The following CUL3 variants were observed in gnomAD, a reference collection of about 807,000 sequenced individuals.
CUL3 encodes cullin-3.
CUL3 carries 19 observed loss-of-function variants against 89.1 expected under a neutral mutation model. The observed-to-expected ratio is 0.21, with a 90% confidence interval of 0.15 to 0.31. The LOEUF (loss-of-function observed/expected upper bound fraction) is 0.31. Among genes scored for constraint, CUL3 ranks in the 10% least tolerant of loss-of-function variants. The probability of loss-of-function intolerance (pLI) is 1.00; values close to 1 mark genes in which losing one functional copy is unlikely to be tolerated. For missense variants in CUL3, 469 were observed against 942.3 expected (o/e 0.50, Z 6.58); for synonymous variants, 351 against 308.4 (o/e 1.14, Z -1.45).
At chr2:224,545,074 G>A (rs1457728146) in intron 2 of CUL3, among the ~76,000 whole-genome samples, 1 of 151,988 alleles carries the variant, frequency 6.6e-6, no homozygotes, top group Non-Finnish European at 1.5e-5. Flanking sequence ...TATAAATTTG[G>A]TTAACAGATG....
chr2:224,474,307 T>A lies in CUL3; in HGVS notation c.2245A>T (p.Ile749Phe), dbSNP rs2106133321. 1 of 1,614,042 alleles carries A rather than the reference T, an allele frequency of 6.2e-7. No individual in the cohort carries two copies. Among genetic ancestry groups the A allele is most frequent in the South Asian group, 1.1e-5 (1 of 91,072 alleles). ...GTTCGTGCCAAATATTCTCTCTCAA[T>A]AAGTCCTTCAATACGTTTCTTAATA... ...VVIKKRIEGL[I>F]EREYLARTPE... is the part of the protein sequence containing the mutation. Residue 749 changes from isoleucine (I) to phenylalanine (F), a missense_variant, in exon 16 of 16, where the codon ATT becomes TTT. Transcript: ENST00000264414.
At chr2:224,545,820 A>G (rs958587149) in intron 2 of CUL3, among the ~76,000 whole-genome samples, 1 of 152,234 alleles carries the variant, frequency 6.6e-6, no homozygotes, top group African/African-American at 2.4e-5. Context: ...CAAAGAAGGA[A>G]CACAGAACAG....
At chr2:224,486,175 T>C (rs1484754730) in intron 13 of CUL3, among the ~76,000 whole-genome samples, 1 of 152,150 alleles carries the variant, frequency 6.6e-6, no homozygotes, top group Non-Finnish European at 1.5e-5. Context: ...GCAAAAAAGA[T>C]GAAAATTCCA....
chr2:224,476,780 A>G (rs542950114), intron 15 of CUL3, among the ~76,000 whole-genome samples: 4 of 152,204 alleles, frequency 2.6e-5, no homozygotes, highest in African/African-American at 9.6e-5. Context: ...CAATTTAAGG[A>G]TCCATTCTTT....
At chr2:224,583,641 A>C (rs1164125557) in intron 1 of CUL3, among the ~76,000 whole-genome samples, 1 of 152,256 alleles carries the variant, frequency 6.6e-6, no homozygotes, top group Non-Finnish European at 1.5e-5. Flanking sequence ...ACCTATTTAC[A>C]CAAAGCAGAG....
chr2:224,492,101 G>A (rs1483391557), intron 13 of CUL3, among the ~76,000 whole-genome samples: 1 of 152,058 alleles, frequency 6.6e-6, no homozygotes, highest in African/African-American at 2.4e-5. Context: ...TATTTTCCTT[G>A]CTCAGTTTTA....
At chr2:224,508,648 T>C (rs996650337) in intron 6 of CUL3, among the ~76,000 whole-genome samples, 1 of 152,162 alleles carries the variant, frequency 6.6e-6, no homozygotes, top group African/African-American at 2.4e-5. Flanking sequence ...TCATTATTTC[T>C]ACATACACTT....
intron 6 of CUL3, among the ~76,000 whole-genome samples, chr2:224,508,363 C>T (rs1351857857): frequency 6.6e-6 from 1 of 152,120 alleles, no homozygotes; most frequent in Non-Finnish European, 1.5e-5. Flanking sequence ...ACATACTTAG[C>T]ATAAATTACA....
intron 10 of CUL3, among the ~76,000 whole-genome samples, chr2:224,501,400 T>A (rs970989520): frequency 6.6e-6 from 1 of 152,222 alleles, no homozygotes; most frequent in African/African-American, 2.4e-5. Context: ...GTCACAATTA[T>A]TTTCTTCCTT....
chr2:224,486,955 C>G (rs550667291), intron 13 of CUL3, among the ~76,000 whole-genome samples: 317 of 152,164 alleles, frequency 2.1e-3, no homozygotes, highest in African/African-American at 5.0e-3. Flanking sequence ...GTGGGGGGGG[C>G]CAATATTCAA....
chr2:224,534,049 A>G (rs1025376294), intron 3 of CUL3, among the ~76,000 whole-genome samples: 5 of 152,232 alleles, frequency 3.3e-5, no homozygotes, highest in Non-Finnish European at 5.9e-5. Context: ...ACAAAAATAT[A>G]AAAAGGTAAA....
intron 2 of CUL3, among the ~76,000 whole-genome samples, chr2:224,549,305 G>C (rs978754821): frequency 6.7e-6 from 1 of 148,180 alleles, no homozygotes; most frequent in Non-Finnish European, 1.5e-5. Flanking sequence ...GCGACAGCAA[G>C]ACCTTGTCTC....
intron 1 of CUL3, among the ~76,000 whole-genome samples, chr2:224,578,224 T>C (rs955028221): frequency 2.0e-5 from 3 of 152,106 alleles, no homozygotes; most frequent in African/African-American, 7.2e-5. Context: ...AGAAAAAATA[T>C]GGACTCCCTG....
intron 8 of CUL3, chr2:224,505,646 G>A (rs1024326587): frequency 5.9e-5 from 10 of 169,366 alleles, no homozygotes; most frequent in Admixed American, 2.5e-4. Flanking sequence ...AAGTTAACAA[G>A]GCTAATTTCA....
chr2:224,484,910 T>C (rs1273826489), intron 13 of CUL3, among the ~76,000 whole-genome samples: 1 of 152,088 alleles, frequency 6.6e-6, no homozygotes, highest in Non-Finnish European at 1.5e-5. Context: ...GTGGGTGATT[T>C]CTGCATTTCC....
At chr2:224,526,439 A>G (rs1161249770) in intron 3 of CUL3, among the ~76,000 whole-genome samples, 2 of 151,932 alleles carry the variant, frequency 1.3e-5, no homozygotes, top group Non-Finnish European at 2.9e-5. Context: ...ACAAAAAATT[A>G]GCTGGACGTG....
In CUL3 at chr2:224,557,874, G is replaced by GAAAAA; in HGVS notation, c.67-19_67-18insTTTTT. ...ATGGTCATCTGTAATATCCAAGAGA[G>GAAAAA]AGAAGAGACAAAAAAAAAAAAAAAA... On this transcript the variant is annotated intron_variant, in intron 1 of 15. Transcript: ENST00000264414. 2 of 191,706 alleles carry GAAAAA rather than the reference G, an allele frequency of 1.0e-5. No homozygotes were observed. Among genetic ancestry groups the GAAAAA allele is most frequent in the Non-Finnish European group, 9.1e-6 (1 of 109,872 alleles). The allele number at this position is 191,706 out of a possible 1,614,324, so 11.9% of individuals were successfully genotyped here. A position where few individuals can be genotyped will look rare whatever the true frequency, so the allele number is the denominator to read the frequency against.
chr2:224,568,461 T>C (rs1165810547), intron 1 of CUL3, among the ~76,000 whole-genome samples: 1 of 152,236 alleles, frequency 6.6e-6, no homozygotes, highest in Non-Finnish European at 1.5e-5. Context: ...TACTACTTTA[T>C]CCATGTTATA....
intron 1 of CUL3, among the ~76,000 whole-genome samples, chr2:224,566,299 T>G (rs961527694): frequency 1.3e-5 from 2 of 152,334 alleles, no homozygotes; most frequent in South Asian, 2.1e-4. Context: ...CCAGGCCTTT[T>G]TGAACAACCA....
Sources: gnomAD v4.1 joint callset for allele counts (sites outside exome capture counted in the v4.1 genomes callset) on GRCh38, gnomAD v4.1.1 for gene constraint, MANE v1.5 for transcripts, NCBI Gene and HGNC (gene_info 2026-07-23, HGNC 2026-07-21) for gene names.